PIK3R4: variants seen among roughly 807,000 people sequenced by gnomAD.
PIK3R4 encodes the protein phosphoinositide-3-kinase regulatory subunit 4.
In PIK3R4, 46 loss-of-function variants were observed where a neutral mutation model predicts 136.5. The ratio of observed to expected loss-of-function variants is 0.34; its 90% CI spans 0.27 to 0.43. The LOEUF (loss-of-function observed/expected upper bound fraction) is 0.43, where lower values mean the gene tolerates loss of function less well. Ranked by LOEUF, PIK3R4 falls within the 20% of genes least tolerant of loss-of-function variation. PIK3R4 has a pLI of 1.00. For synonymous variants in PIK3R4, 557 were observed against 566.7 expected (o/e 0.98, Z 0.24); for missense variants, 1,331 against 1,649.5 (o/e 0.81, Z 3.35).
At chr3:130,680,758 G>A (rs1234513164) in intron 18 of PIK3R4, 37 bp from the exon 19 acceptor site, 2 of 1,272,362 alleles carry the variant, frequency 1.6e-6, no homozygotes, top group Admixed American at 1.9e-5. Context: ...AATCTCTTCA[G>A]GACAATGGGA....
intron 16 of PIK3R4, among the ~76,000 whole-genome samples, chr3:130,683,299 T>C (rs890020177): frequency 6.6e-6 from 1 of 152,158 alleles, no homozygotes; most frequent in Non-Finnish European, 1.5e-5. Flanking sequence ...GGTATGAGTC[T>C]GAATAAATTT....
At chr3:130,701,971 TA>T (rs74341380) in intron 13 of PIK3R4, among the ~76,000 whole-genome samples, 14 of 148,396 alleles carry the variant, frequency 9.4e-5, no homozygotes, top group East Asian at 3.9e-4. Flanking sequence ...ATTTCTCAAG[TA>T]AAAAAAAAAA....
chr3:130,745,192 A>G lies in PIK3R4; in HGVS notation c.27T>C (p.Ala9=). 3 of 1,603,494 alleles carry G rather than the reference A, an allele frequency of 1.9e-6. No individual in the cohort carries two copies. The highest frequency in any genetic ancestry group is 2.5e-6 in the Non-Finnish European group (3 of 1,178,066). ...TCTCTACAGAAAGGATCTGGGAGGG[A>G]GCAATGCCAGCAAGCTGATTTCCCA... is the stretch of plus-strand genomic sequence containing the variant. MGNQLAGI[A]PSQILSVESY... Residue 9 remains alanine (A), a synonymous_variant, in exon 2 of 20, where the codon GCT becomes GCC. Transcript: ENST00000356763.
rs148680337 is a variant in PIK3R4, at chr3:130,705,711, T to A, written c.2782A>T (p.Ile928Phe). Reference sequence around the variant, plus strand: ...CGAATCTGATAGGTGGATGGTAAGATTGTACTACTTAAAACCGGTATTACT... The same window carrying A: ...CGAATCTGATAGGTGGATGGTAAGAATGTACTACTTAAAACCGGTATTACT... ...KPVIPVLSST[I>F]LPSTYQIRIT... The change falls in exon 12 of 20, where the codon ATC (isoleucine) becomes TTC (phenylalanine). Residue 928 changes from isoleucine (I) to phenylalanine (F), a missense_variant. Ile to Phe is a conservative substitution (Grantham distance 21). Around this residue, in one of 2 missense-constraint regions of PIK3R4, gnomAD observed 1,180 missense variants for 1,407.0 expected, o/e 0.84. Coordinates refer to ENST00000356763, the MANE Select transcript of PIK3R4 (RefSeq NM_014602.3). 1 of 1,612,406 alleles carries A rather than the reference T, an allele frequency of 6.2e-7. No homozygotes were observed. Among genetic ancestry groups the A allele is most frequent in the Non-Finnish European group, 8.5e-7 (1 of 1,178,560 alleles).
At chr3:130,744,455 C>T (rs757649884) in intron 2 of PIK3R4, 31 bp downstream of exon 2, 4 of 1,555,736 alleles carry the variant, frequency 2.6e-6, no homozygotes, top group Non-Finnish European at 3.5e-6. Context: ...AAAACACATG[C>T]TCCCTTAGCA....
At chr3:130,690,428 G>A in intron 14 of PIK3R4, 62 bp downstream of exon 14, 5 of 1,117,426 alleles carry the variant, frequency 4.5e-6, no homozygotes, top group African/African-American at 3.2e-5. Flanking sequence ...AGGGTAGAAA[G>A]GAGACTTAAG....
At chr3:130,736,665 T>G (rs1246382250) in intron 2 of PIK3R4, among the ~76,000 whole-genome samples, 1 of 151,692 alleles carries the variant, frequency 6.6e-6, no homozygotes, top group African/African-American at 2.4e-5. Context: ...ACAAGAAACT[T>G]TTTTTTTCAA....
intron 16 of PIK3R4, among the ~76,000 whole-genome samples, chr3:130,681,840 T>G (rs868362233): frequency 1.3e-5 from 2 of 152,128 alleles, no homozygotes; most frequent in South Asian, 2.1e-4. Flanking sequence ...ATTCCCAGTT[T>G]CATGGAACTT....
At chr3:130,686,170 T>C (rs1184060525) in intron 15 of PIK3R4, 41 bp downstream of exon 15, 7 of 1,208,350 alleles carry the variant, frequency 5.8e-6, no homozygotes, top group East Asian at 2.3e-5. Flanking sequence ...CAGGCATTAG[T>C]GGCATTCAAA....
intron 6 of PIK3R4, among the ~76,000 whole-genome samples, chr3:130,727,472 C>G (rs190119391): frequency 2.0e-3 from 300 of 152,342 alleles, no homozygotes; most frequent in Middle Eastern, 3.4e-3. Context: ...ATCCGCCCGC[C>G]TCGGCCTCCC....
In PIK3R4 at chr3:130,680,708, C is replaced by A. The variant is rs867895592; in HGVS notation, c.3811G>T (p.Ala1271Ser). ...SDMKIRFWDL[A>S]YPERSYVVAG... ...ACAACATAGGACCTTTCTGGGTAAGCCAAGTCCCAAAACCTAGGAAAGAGG... is the reference window on the plus strand; with the variant it reads ...ACAACATAGGACCTTTCTGGGTAAGACAAGTCCCAAAACCTAGGAAAGAGG... Residue 1271 changes from alanine (A) to serine (S), a missense_variant, in exon 19 of 20, where the codon GCT (alanine) becomes TCT (serine). Ala to Ser is a moderately conservative substitution (Grantham distance 99, BLOSUM62 1). This residue lies in a region of PIK3R4 where 1,180 missense variants were observed against 1,407.0 expected (regional missense o/e 0.84). Coordinates refer to ENST00000356763, the MANE Select transcript of PIK3R4 (RefSeq NM_014602.3). 4 of 1,607,040 alleles carry A rather than the reference C, an allele frequency of 2.5e-6. No individual in the cohort carries two copies. The African/African-American group carries it at 5.3e-5, about 21-fold the overall frequency.
chr3:130,746,100 G>A (rs2066851943), intron 1 of PIK3R4, among the ~76,000 whole-genome samples: 1 of 152,034 alleles, frequency 6.6e-6, no homozygotes, highest in Admixed American at 6.5e-5. Context: ...TTAACTCCTG[G>A]ACACTTCCTG....
intron 16 of PIK3R4, among the ~76,000 whole-genome samples, chr3:130,683,613 T>C (rs2066471769): frequency 6.6e-6 from 1 of 152,098 alleles, no homozygotes; most frequent in Admixed American, 6.6e-5. Context: ...CGATGGACTA[T>C]GTGTACAAGA....
At chr3:130,679,704 T>C (rs763312377) in intron 19 of PIK3R4, among the ~76,000 whole-genome samples, 2 of 152,164 alleles carry the variant, frequency 1.3e-5, no homozygotes, top group African/African-American at 4.8e-5. Context: ...CTTATAACTA[T>C]GGAAAACTTA....
intron 17 of PIK3R4, 141 bp from the exon 18 acceptor site, chr3:130,681,206 G>A: frequency 1.5e-6 from 1 of 673,254 alleles, no homozygotes; most frequent in Non-Finnish European, 2.7e-6. Flanking sequence ...AGTTATGTAT[G>A]CCCTATCTAC....
chr3:130,708,296 T>C lies in PIK3R4; in HGVS notation c.2528A>G (p.Lys843Arg). The C allele has an allele frequency of 1.2e-6, 2 of 1,613,054 alleles. No homozygotes were observed. Among genetic ancestry groups the C allele is most frequent in the East Asian group, 2.2e-5 (1 of 44,842 alleles). ...LVKTKQEPDD[K>R]RARKHVKQDS... The stretch of plus-strand genomic sequence containing the variant: ...ACACAAACAAGCATACTAACCCCGT[T>C]TGTCATCTGGTTCTTGTTTGGTTTT... Residue 843 changes from lysine to arginine, a missense_variant, in exon 10 of 20, where the codon AAA becomes AGA. Lys to Arg is a conservative substitution (Grantham distance 26, BLOSUM62 2). Coordinates refer to ENST00000356763, the MANE Select transcript of PIK3R4 (RefSeq NM_014602.3).
chr3:130,690,136 T>C (rs559811635), intron 14 of PIK3R4, among the ~76,000 whole-genome samples: 2 of 152,098 alleles, frequency 1.3e-5, no homozygotes, highest in African/African-American at 2.4e-5. Context: ...TCAGGCAGAG[T>C]TGTGTTTTTA....
intron 13 of PIK3R4, among the ~76,000 whole-genome samples, chr3:130,701,655 G>A (rs1428776115): frequency 2.6e-5 from 4 of 152,082 alleles, no homozygotes; most frequent in Admixed American, 1.3e-4. Context: ...GAGGGATTCA[G>A]GATACAGTGG....
In PIK3R4 at chr3:130,680,450, T is replaced by TAATAAAAGTTAATTTTTTTA. The variant is rs2066451019; in HGVS notation, c.3906+143_3906+162dup. 6.7e-5 allele frequency: 32 copies of TAATAAAAGTTAATTTTTTTA among 478,530 alleles called. 1 individual carries two copies. The South Asian group carries it at 9.6e-4, about 14-fold the overall frequency. The allele number at this position is 478,530 out of a possible 1,614,324, so 29.6% of individuals were successfully genotyped here. On this transcript the variant is annotated intron_variant, in intron 19 of 19. Transcript: ENST00000356763. ...CACTTTCTTTATGCTTATTTTACCT[T>TAATAAAAGTTAATTTTTTTA]AATAAAAGTTAATTTTTTTAAATAC...
Sources: gnomAD v4.1 joint callset for allele counts (sites outside exome capture counted in the v4.1 genomes callset) on GRCh38, gnomAD v4.1.1 for gene constraint, gnomAD v4.1.1 regional missense constraint, MANE v1.5 for transcripts, NCBI Gene and HGNC (gene_info 2026-07-23, HGNC 2026-07-21) for gene names.